The following CEP290 variants were observed in gnomAD, a reference collection of about 807,000 sequenced individuals.
CEP290 encodes the protein centrosomal protein of 290 kDa.
Under a neutral mutation model 344.9 loss-of-function variants are expected in CEP290, and 317 were observed. That is an observed-to-expected ratio of 0.92 (90% confidence interval 0.84 to 1.01). The LOEUF (loss-of-function observed/expected upper bound fraction) is 1.01. Among genes scored for constraint, CEP290 ranks in the 50% least tolerant of loss-of-function variants. The probability of loss-of-function intolerance (pLI) is 0.00; values close to 1 mark genes in which losing one functional copy is unlikely to be tolerated. For missense variants in CEP290, 2,754 were observed against 2,761.4 expected, an observed-to-expected ratio of 1.00 and a Z score of 0.06; for synonymous variants, 932 against 895.8, an observed-to-expected ratio of 1.04 and a Z score of -0.72.
chr12:88,053,886 A>G lies in CEP290; in HGVS notation c.7035-140T>C, dbSNP rs150353864. 0.011 allele frequency: 5,634 copies of G among 509,078 alleles called. 317 individuals carry two copies. The highest frequency in any genetic ancestry group is 2.0e-3 in the Non-Finnish European group (583 of 290,970). The allele number at this position is 509,078 out of a possible 1,614,324, so 31.5% of individuals were successfully genotyped here. On this transcript the variant is annotated intron_variant, in intron 51 of 53. Coordinates refer to ENST00000552810, the MANE Select transcript of CEP290 (RefSeq NM_025114.4). ...GAAGTAAACATTTACTCTCAATGCT[A>G]CAATGTCACCATTCTCAAACAAAAA...
rs913507730 is a variant in CEP290, at chr12:88,115,981, GTTC to G, written c.1825-802_1825-800del. The G allele has an allele frequency of 2.3e-5, 23 of 984,660 alleles. No homozygotes were observed. In the South Asian group the frequency reaches 2.8e-4, roughly 12 times the overall value. 61.0% of individuals were successfully genotyped at this position (984,660 alleles called of 1,614,324 possible). ...GCATACTTTACTTGGGAATGAACCT[GTTC>G]TTCTTCTAATGTTGCTACTTGTGAT... On this transcript the variant is annotated intron_variant, in intron 18 of 53. Coordinates refer to ENST00000552810, the MANE Select transcript of CEP290 (RefSeq NM_025114.4).
In CEP290 at chr12:88,117,110, T is replaced by G. The variant is rs1459958084; in HGVS notation, c.1747A>C (p.Ile583Leu). 6.4e-6 allele frequency: 10 copies of G among 1,561,002 alleles called. No homozygotes were observed. Among genetic ancestry groups the G allele is most frequent in the African/African-American group, 5.4e-5 (4 of 73,782 alleles). Residue 583 changes from isoleucine (I) to leucine (L), a missense_variant, in exon 18 of 54, where the codon ATT (isoleucine) becomes CTT (leucine). Ile to Leu is a conservative substitution (Grantham distance 5, BLOSUM62 2). Coordinates refer to ENST00000552810, the MANE Select transcript of CEP290 (RefSeq NM_025114.4). Reference sequence around the variant, plus strand: ...TCACTTATTCTATCTCCTTGAGAAATGTTTTCAGTTAGGTTCAGGTCCTCA... The same window carrying G: ...TCACTTATTCTATCTCCTTGAGAAAGGTTTTCAGTTAGGTTCAGGTCCTCA... ...TTEDLNLTEN[I>L]SQGDRISERK...
At chr12:88,088,974 C>A (rs1402059535) in intron 31 of CEP290, 58 bp downstream of exon 31, 8 of 1,283,230 alleles carry the variant, frequency 6.2e-6, no homozygotes, top group Middle Eastern at 5.6e-4. Context: ...GAACTCCAGC[C>A]TGGGAAACAG....
At chr12:88,095,796 A>G (rs183404617) in intron 27 of CEP290, among the ~76,000 whole-genome samples, 2 of 152,290 alleles carry the variant, frequency 1.3e-5, no homozygotes, top group Admixed American at 6.5e-5. Context: ...GAAAATTATG[A>G]AGCACAATAT....
chr12:88,120,723 C>G (rs1001132396), intron 14 of CEP290, among the ~76,000 whole-genome samples: 3 of 152,160 alleles, frequency 2.0e-5, no homozygotes, highest in Non-Finnish European at 4.4e-5. Context: ...TACATGGTGG[C>G]CCAATGAACA....
chr12:88,141,450 G>C (rs2040657711), intron 1 of CEP290, 116 bp from the exon 2 acceptor site: 1 of 490,624 alleles, frequency 2.0e-6, no homozygotes, highest in East Asian at 3.7e-5. Context: ...TAGCAAAACA[G>C]ACAATTGGGC....
chr12:88,121,210 T>C (rs779189304), intron 13 of CEP290, 44 bp from the exon 14 acceptor site: 15 of 1,462,958 alleles, frequency 1.0e-5, no homozygotes, highest in Middle Eastern at 1.8e-4. Context: ...TGACTACTTA[T>C]TCCTTCAAAT....
rs754581115 is a variant in CEP290 at position 88,115,081 on chromosome 12, A to G, written c.1909+17T>C. 10 of 1,284,760 alleles carry G rather than the reference A, an allele frequency of 7.8e-6. No homozygotes were observed. Among genetic ancestry groups the G allele is most frequent in the Non-Finnish European group, 1.1e-5 (10 of 915,210 alleles). The allele number at this position is 1,284,760 out of a possible 1,614,324, so 79.6% of individuals were successfully genotyped here. On this transcript the variant is annotated intron_variant, in intron 19 of 53. Transcript: ENST00000552810. ...GGAAAAATAAGAACAGAAAAGTAAAAGATAATTGTAACTTACATTTATTCT... is the reference window on the plus strand; with the variant it reads ...GGAAAAATAAGAACAGAAAAGTAAAGGATAATTGTAACTTACATTTATTCT...
chr12:88,111,974 A>T (rs1484542515), intron 20 of CEP290, 116 bp from the exon 21 acceptor site: 4 of 669,998 alleles, frequency 6.0e-6, no homozygotes, highest in Non-Finnish European at 9.1e-6. Context: ...TTCATTGCCA[A>T]GCATGATAAT....
intron 18 of CEP290, 59 bp downstream of exon 18, chr12:88,116,974 A>T: frequency 6.4e-6 from 1 of 157,178 alleles, no homozygotes; most frequent in Non-Finnish European, 1.3e-5. Context: ...ACTCCGTCTC[A>T]AAAAAAAAAA....
intron 20 of CEP290, among the ~76,000 whole-genome samples, chr12:88,112,281 A>G (rs1423555718): frequency 2.0e-5 from 3 of 152,080 alleles, no homozygotes; most frequent in Non-Finnish European, 4.4e-5. Context: ...AAAATGAGGT[A>G]TTTTTCTCTG....
At chr12:88,090,914 A>T in intron 29 of CEP290, 75 bp from the exon 30 acceptor site, 6 of 802,602 alleles carry the variant, frequency 7.5e-6, no homozygotes, top group Non-Finnish European at 5.7e-6. Flanking sequence ...AAATTTCTAG[A>T]CCCTTTTTCA....
Position 88,060,897 on chromosome 12 carries a change from T to C in CEP290, c.6455A>G (p.Lys2152Arg). The change falls in exon 47 of 54, where the codon AAA becomes AGA. Residue 2152 changes from lysine (K) to arginine (R), a missense_variant. Transcript: ENST00000552810. The part of the protein sequence containing the change: ...EKVQRENEQL[K>R]KASGILTSEK... ...ACTAGTCAATATTCCTGATGCTTTTTTCAACTGTTCATTTTCTCTCTGGAC... is the reference window on the plus strand; with the variant it reads ...ACTAGTCAATATTCCTGATGCTTTTCTCAACTGTTCATTTTCTCTCTGGAC... 6.4e-7 allele frequency: 1 copy of C among 1,554,148 alleles called. No homozygotes were observed. The highest frequency in any genetic ancestry group is 2.4e-5 in the East Asian group (1 of 42,324).
chr12:88,083,927 C>T lies in CEP290; in HGVS notation c.4732G>A (p.Glu1578Lys). 6.3e-7 allele frequency: 1 copy of T among 1,593,696 alleles called. No homozygotes were observed. The highest frequency in any genetic ancestry group is 1.7e-4 in the Middle Eastern group (1 of 6,016). Residue 1578 changes from glutamate to lysine, a missense_variant, in exon 36 of 54, where the codon GAG (glutamate) becomes AAG (lysine). Glu to Lys is a moderately conservative substitution (Grantham distance 56). Coordinates refer to ENST00000552810, the MANE Select transcript of CEP290 (RefSeq NM_025114.4). ...EEQREIVKKH[E>K]EDLHILHHRL... Reference sequence around the variant, plus strand: ...TGATGAAGAATATGAAGGTCTTCCTCATGTTTCTTCACAATTTCTCTTTGC... The same window carrying T: ...TGATGAAGAATATGAAGGTCTTCCTTATGTTTCTTCACAATTTCTCTTTGC...
intron 52 of CEP290, among the ~76,000 whole-genome samples, chr12:88,051,380 G>A (rs1325567952): frequency 6.6e-6 from 1 of 151,902 alleles, no homozygotes; most frequent in African/African-American, 2.4e-5. Flanking sequence ...TATATTTTTA[G>A]TAGAGACAGG....
chr12:88,078,870 T>C (rs2035978474), intron 39 of CEP290, among the ~76,000 whole-genome samples: 1 of 152,100 alleles, frequency 6.6e-6, no homozygotes, highest in Non-Finnish European at 1.5e-5. Flanking sequence ...GAAACAGTAG[T>C]TCATAATGGC....
chr12:88,116,308 T>C (rs1038126552), intron 18 of CEP290, among the ~76,000 whole-genome samples: 11 of 152,332 alleles, frequency 7.2e-5, no homozygotes, highest in African/African-American at 9.6e-5. Context: ...ATCTCTCTTA[T>C]TGTAATAGTT....
At chr12:88,073,090 T>C (rs2035503916) in intron 41 of CEP290, among the ~76,000 whole-genome samples, 1 of 152,192 alleles carries the variant, frequency 6.6e-6, no homozygotes, top group African/African-American at 2.4e-5. Context: ...TGGATATTAA[T>C]ACAGTAAAAA....
chr12:88,093,955 T>C lies in CEP290; in HGVS notation c.3124A>G (p.Lys1042Glu), dbSNP rs1468626083. ...CTGTTGGTTATTGATTTCTTTGCCT[T>C]ATCCATGCTAGATTCATTACCTACA... ...TKLGNESSMDKAKKSITNSDI... is the reference protein window; with the variant it reads ...TKLGNESSMDEAKKSITNSDI... Residue 1042 changes from lysine (K) to glutamate (E), a missense_variant, in exon 28 of 54, where the codon AAG becomes GAG. Transcript: ENST00000552810. The C allele has an allele frequency of 3.7e-6, 6 of 1,610,296 alleles. No homozygotes were observed. In the East Asian group the frequency reaches 1.3e-4, roughly 36 times the overall value.
Sources: gnomAD v4.1 joint callset for allele counts (sites outside exome capture counted in the v4.1 genomes callset) on GRCh38, gnomAD v4.1.1 for gene constraint, MANE v1.5 for transcripts, NCBI Gene and HGNC (gene_info 2026-07-23, HGNC 2026-07-21) for gene names.